The following ARMH4 variants were observed in gnomAD, a reference collection of about 807,000 sequenced individuals.
The protein encoded by ARMH4 is armadillo-like helical domain-containing protein 4.
ARMH4 carries 49 observed loss-of-function variants against 61.9 expected under a neutral mutation model. That is an observed-to-expected ratio of 0.79 (90% confidence interval 0.63 to 1.00). ARMH4 has a LOEUF of 1.00. Among genes scored for constraint, ARMH4 ranks in the 50% least tolerant of loss-of-function variants. The pLI is 0.00. For synonymous variants in ARMH4, 368 were observed against 341.5 expected (o/e 1.08, Z -0.85); for missense variants, 934 against 930.0 (o/e 1.00, Z -0.06).
intron 5 of ARMH4, among the ~76,000 whole-genome samples, chr14:58,084,635 A>C (rs529184066): frequency 2.0e-5 from 3 of 152,338 alleles, no homozygotes; most frequent in African/African-American, 7.2e-5. Context: ...TCAAAAATTC[A>C]AATCCCATTA....
At chr14:58,143,584 C>A (rs1044113878) in intron 1 of ARMH4, among the ~76,000 whole-genome samples, 13 of 151,810 alleles carry the variant, frequency 8.6e-5, no homozygotes, top group African/African-American at 2.7e-4. Context: ...CTGCCTCAGC[C>A]TCCCAAATAG....
chr14:58,043,578 C>A (rs938209014), intron 5 of ARMH4, among the ~76,000 whole-genome samples: 1 of 152,092 alleles, frequency 6.6e-6, no homozygotes, highest in African/African-American at 2.4e-5. Context: ...CACTCCTATT[C>A]GACATAGTGT....
intron 5 of ARMH4, among the ~76,000 whole-genome samples, chr14:58,059,372 G>C (rs944331194): frequency 6.6e-6 from 1 of 152,238 alleles, no homozygotes; most frequent in African/African-American, 2.4e-5. Context: ...AACACTCTGT[G>C]CAACCCCAGA....
Position 58,138,693 on chromosome 14 carries a change from A to G in ARMH4, c.666T>C (p.Thr222=), listed in dbSNP as rs1182265419. 6.2e-7 allele frequency: 1 copy of G among 1,614,000 alleles called. No individual in the cohort carries two copies. Among genetic ancestry groups the G allele is most frequent in the African/African-American group, 1.3e-5 (1 of 74,936 alleles). The change falls in exon 2 of 8, where the codon ACT becomes ACC. Residue 222 remains threonine, a synonymous_variant. Coordinates refer to ENST00000267485, the MANE Select transcript of ARMH4 (RefSeq NM_001001872.4). ...GGTCTGTGTCTGCTTCAAATTTCTC[A>G]GTCTTTGGATTGGTGGTTAGCATTT... ...TKEMLTTNPK[T]EKFEADTDHR... is the part of the protein sequence containing the mutation.
intron 5 of ARMH4, among the ~76,000 whole-genome samples, chr14:58,041,979 TC>T (rs1178359500): frequency 2.0e-5 from 3 of 151,790 alleles, no homozygotes; most frequent in African/African-American, 7.3e-5. Flanking sequence ...AGACTTAGAC[TC>T]CCACACAATA....
chr14:58,023,339 A>G (rs933770123), intron 5 of ARMH4, among the ~76,000 whole-genome samples: 9 of 152,188 alleles, frequency 5.9e-5, no homozygotes, highest in African/African-American at 2.2e-4. Context: ...TCATTTCAAC[A>G]CTGTTCACAC....
chr14:58,067,889 A>G (rs968986551), intron 5 of ARMH4, among the ~76,000 whole-genome samples: 3 of 152,300 alleles, frequency 2.0e-5, no homozygotes, highest in Middle Eastern at 6.8e-3. Flanking sequence ...GAGAAGTTGA[A>G]AGTTCATGTA....
At chr14:58,148,804 T>C (rs540145097) in intron 1 of ARMH4, among the ~76,000 whole-genome samples, 4 of 152,146 alleles carry the variant, frequency 2.6e-5, no homozygotes, top group Admixed American at 2.6e-4. Flanking sequence ...CAATAACTTA[T>C]GTGTTCTCAT....
At chr14:58,114,796 C>T (rs998916180) in intron 4 of ARMH4, among the ~76,000 whole-genome samples, 4 of 152,132 alleles carry the variant, frequency 2.6e-5, no homozygotes, top group Non-Finnish European at 5.9e-5. Context: ...TGCACACCTA[C>T]AACCATCTGA....
At chr14:58,045,879 C>T (rs1391254797) in intron 5 of ARMH4, among the ~76,000 whole-genome samples, 1 of 151,984 alleles carries the variant, frequency 6.6e-6, no homozygotes, top group Non-Finnish European at 1.5e-5. Flanking sequence ...AGAAGACAGC[C>T]ATTAACAAGG....
At chr14:58,116,495 T>C in intron 4 of ARMH4, 1 of 262,104 alleles carries the variant, frequency 3.8e-6, no homozygotes, top group Non-Finnish European at 8.1e-6. Context: ...GGCAACATGG[T>C]GAAACCCCGT....
intron 5 of ARMH4, among the ~76,000 whole-genome samples, chr14:58,032,867 G>C (rs372420954): frequency 6.6e-6 from 1 of 152,112 alleles, no homozygotes; most frequent in Non-Finnish European, 1.5e-5. Context: ...GGCGCACCAC[G>C]AGACTATATA....
chr14:58,124,386 T>C (rs895072713), intron 4 of ARMH4, among the ~76,000 whole-genome samples: 2 of 152,216 alleles, frequency 1.3e-5, no homozygotes, highest in African/African-American at 4.8e-5. Context: ...GAAATTGATG[T>C]AGTGGCAAAG....
chr14:58,132,359 C>A (rs1887137374), intron 3 of ARMH4, among the ~76,000 whole-genome samples: 1 of 152,134 alleles, frequency 6.6e-6, no homozygotes, highest in Admixed American at 6.5e-5. Flanking sequence ...TAGAGGTGAA[C>A]AAACCAAAGC....
intron 5 of ARMH4, among the ~76,000 whole-genome samples, chr14:58,061,824 G>A (rs145535608): frequency 0.011 from 1,605 of 152,168 alleles, 30 homozygotes; most frequent in African/African-American, 0.035. Context: ...CACAGCCTAC[G>A]AGGCAGCCTT....
chr14:58,150,768 T>C (rs1366312053), intron 1 of ARMH4, among the ~76,000 whole-genome samples: 1 of 152,174 alleles, frequency 6.6e-6, no homozygotes, highest in African/African-American at 2.4e-5. Flanking sequence ...ACCACTTTAT[T>C]CATAAGAGCA....
chr14:58,043,201 C>G (rs575619620), intron 5 of ARMH4, among the ~76,000 whole-genome samples: 28 of 152,194 alleles, frequency 1.8e-4, no homozygotes, highest in Admixed American at 1.1e-3. Context: ...TGCAAAAATC[C>G]TCAATAAAAT....
intron 5 of ARMH4, among the ~76,000 whole-genome samples, chr14:58,055,825 G>A (rs1300826812): frequency 1.3e-5 from 2 of 152,180 alleles, no homozygotes; most frequent in African/African-American, 2.4e-5. Flanking sequence ...TCAAAACAGG[G>A]ACTTGGATTT....
chr14:58,116,242 A>T (rs1037095121), intron 4 of ARMH4: 1 of 155,694 alleles, frequency 6.4e-6, no homozygotes, highest in African/African-American at 2.4e-5. Flanking sequence ...ATAATAATTT[A>T]AAATTTCCTC....
Sources: allele counts gnomAD v4.1 joint callset (sites outside exome capture counted in the v4.1 genomes callset), GRCh38; gene constraint gnomAD v4.1.1; transcripts MANE v1.5; gene names NCBI Gene and HGNC (gene_info 2026-07-23, HGNC 2026-07-21).